The following COL18A1 variants were observed in gnomAD, a reference collection of about 807,000 sequenced individuals.
COL18A1 encodes collagen alpha-1(XVIII) chain.
Under a neutral mutation model 168.0 loss-of-function variants are expected in COL18A1, and 133 were observed. The ratio of observed to expected loss-of-function variants is 0.79; its 90% CI spans 0.69 to 0.91. The LOEUF is 0.91. Among genes scored for constraint, COL18A1 ranks in the 40% least tolerant of loss-of-function variants. The pLI is 0.00. For missense variants in COL18A1, 2,126 were observed against 1,925.4 expected (o/e 1.10, Z -1.95); for synonymous variants, 949 against 809.0 (o/e 1.17, Z -2.94).
At chr21:45,411,165 C>T (rs1263763670) in intron 2 of COL18A1, among the ~76,000 whole-genome samples, 1 of 152,180 alleles carries the variant, frequency 6.6e-6, no homozygotes, top group South Asian at 2.1e-4. Context: ...GAAGTCCCAG[C>T]CCTGCAGCTG....
chr21:45,479,063 CAG>C (rs1311189716), intron 9 of COL18A1, among the ~76,000 whole-genome samples: 1 of 144,354 alleles, frequency 6.9e-6, no homozygotes, highest in Non-Finnish European at 1.5e-5. Flanking sequence ...CCCACTGCAA[CAG>C]GGTACACGCA....
chr21:45,437,143 C>G lies in COL18A1; in HGVS notation c.107-31099C>G, dbSNP rs1248541473. 2.1e-5 allele frequency among the ~76,000 whole-genome samples: 2 copies of G among 96,872 alleles called. 1 individual carries two copies. Among genetic ancestry groups the G allele is most frequent in the Admixed American group, 1.9e-4 (2 of 10,484 alleles). The allele number at this position is 96,872 out of a possible 152,430, so 63.6% of individuals were successfully genotyped here. A position where few individuals can be genotyped will look rare whatever the true frequency, so the allele number is the denominator to read the frequency against. Reference sequence around the variant, plus strand: ...CACAGACACACAGGCACTCTCCACACACACTCACACTCAGACACAGGCACT... The same window carrying G: ...CACAGACACACAGGCACTCTCCACAGACACTCACACTCAGACACAGGCACT... On this transcript the variant is annotated intron_variant, in intron 2 of 41. Coordinates refer to ENST00000651438, the MANE Select transcript of COL18A1 (RefSeq NM_001379500.1).
chr21:45,451,657 A>G (rs1326728849), intron 2 of COL18A1, among the ~76,000 whole-genome samples: 1 of 152,232 alleles, frequency 6.6e-6, no homozygotes, highest in Non-Finnish European at 1.5e-5. Context: ...AGGAGCGCTC[A>G]GAGGGGAAGG....
intron 2 of COL18A1, among the ~76,000 whole-genome samples, chr21:45,412,057 G>A (rs1372328068): frequency 6.6e-6 from 1 of 152,136 alleles, no homozygotes; most frequent in Non-Finnish European, 1.5e-5. Flanking sequence ...GGGCCGTCGT[G>A]CTTCTCTGGG....
In COL18A1 at chr21:45,492,705, G is replaced by C; in HGVS notation, c.2206G>C (p.Gly736Arg). ...TCCCCAGGGCCGGCCGGGTTTCGCA[G>C]GCTTTCCCGTGAGTAACCTGGTGCC... ...PGPEGRPGFA[G>R]FPGPAGPKGN... The change falls in exon 24 of 42, where the codon GGC (glycine) becomes CGC (arginine). Residue 736 changes from glycine (G) to arginine (R), a missense_variant. By Grantham distance (125) the Gly-to-Arg change is moderately radical (BLOSUM62 -2). Transcript: ENST00000651438. 1 of 1,609,458 alleles carries C rather than the reference G, an allele frequency of 6.2e-7. No homozygotes were observed. The highest frequency in any genetic ancestry group is 8.5e-7 in the Non-Finnish European group (1 of 1,179,032).
intron 19 of COL18A1, 99 bp downstream of exon 19, chr21:45,489,620 C>A (rs879696804): frequency 9.3e-5 from 67 of 720,046 alleles, no homozygotes; most frequent in Non-Finnish European, 1.4e-4. Flanking sequence ...CTTCCCCGCT[C>A]TTCCTGCCAC....
intron 4 of COL18A1, among the ~76,000 whole-genome samples, chr21:45,474,485 G>A (rs1189843510): frequency 6.6e-6 from 1 of 151,514 alleles, no homozygotes; most frequent in South Asian, 2.1e-4. Context: ...GTCTCTGTGT[G>A]TGTGGTGTGT....
intron 37 of COL18A1, chr21:45,506,968 G>GAT: frequency 3.7e-6 from 1 of 270,706 alleles, no homozygotes; most frequent in South Asian, 3.6e-5. Context: ...TGCCAGGTGT[G>GAT]CTTGTAGGCA....
chr21:45,491,394 A>AC (rs2036340622), intron 22 of COL18A1, 80 bp downstream of exon 22: 1 of 564,514 alleles, frequency 1.8e-6, no homozygotes, highest in Admixed American at 2.7e-5. Flanking sequence ...AGCCCCCCCC[A>AC]CACCCCCACA....
chr21:45,503,671 G>T (rs1019597159), intron 32 of COL18A1, among the ~76,000 whole-genome samples: 1 of 150,400 alleles, frequency 6.6e-6, no homozygotes, highest in Admixed American at 6.6e-5. Context: ...AGCATTGGGA[G>T]ATATACCTAA....
chr21:45,479,443 A>C (rs748772417), intron 9 of COL18A1, among the ~76,000 whole-genome samples: 37 of 152,192 alleles, frequency 2.4e-4, no homozygotes, highest in Middle Eastern at 6.8e-3. Flanking sequence ...CACACACACC[A>C]CACATTACAC....
chr21:45,483,081 G>A (rs2035956039), intron 15 of COL18A1, among the ~76,000 whole-genome samples: 1 of 152,266 alleles, frequency 6.6e-6, no homozygotes. Flanking sequence ...TGAACTGAGA[G>A]TAGACGCGCC....
At chr21:45,412,321 C>T (rs1296101870) in intron 2 of COL18A1, among the ~76,000 whole-genome samples, 1 of 151,126 alleles carries the variant, frequency 6.6e-6, no homozygotes, top group African/African-American at 2.4e-5. Context: ...CCTGCAACCT[C>T]CATCTTCCGG....
In COL18A1 at chr21:45,480,767, GCTT is replaced by G. The variant is rs2035863937; in HGVS notation, c.1521_1523del (p.Phe508del). The G allele has an allele frequency of 6.2e-7, 1 of 1,611,084 alleles. No individual in the cohort carries two copies. The highest frequency in any genetic ancestry group is 1.1e-5 in the South Asian group (1 of 91,070). ...CCAGGCCTGCCCGGCGAGCCAGGCC[GCTT>G]TGGGGTGAACAGCTCCGACGTCCCA... On this transcript the variant is annotated inframe_deletion, in exon 13 of 42. Transcript: ENST00000651438.
At position 45,511,345 on chromosome 21, in the gene COL18A1, C is replaced by A. The variant is rs533463430; in HGVS notation, c.3809+119C>A. On this transcript the variant is annotated intron_variant, in intron 41 of 41. Transcript: ENST00000651438. ...GGACAAATCTTATACATGCTCATTA[C>A]TTTAAAATTACAAAATCCAAAAGAG... is the stretch of plus-strand genomic sequence containing the variant. 4 of 692,514 alleles carry A rather than the reference C, an allele frequency of 5.8e-6. No individual in the cohort carries two copies. The South Asian group carries it at 6.0e-5, about 10-fold the overall frequency. 42.9% of individuals were successfully genotyped at this position (692,514 alleles called of 1,614,324 possible).
At chr21:45,500,387 GGAGT>G (rs1403103914) in intron 32 of COL18A1, among the ~76,000 whole-genome samples, 1 of 138,740 alleles carries the variant, frequency 7.2e-6, no homozygotes, top group East Asian at 2.2e-4. Flanking sequence ...GGGGGTGTGT[GGAGT>G]GTGTGTATGT....
chr21:45,474,888 G>A (rs570216615), intron 4 of COL18A1, among the ~76,000 whole-genome samples: 1 of 152,304 alleles, frequency 6.6e-6, no homozygotes, highest in South Asian at 2.1e-4. Flanking sequence ...TTTTTGCCTG[G>A]AACATGCCAG....
At chr21:45,480,048 T>C (rs770345581) in intron 10 of COL18A1, 22 bp from the exon 11 acceptor site, 3 of 1,611,154 alleles carry the variant, frequency 1.9e-6, no homozygotes, top group African/African-American at 2.7e-5. Flanking sequence ...CAGGGTATGA[T>C]AGGCTTGTCT....
intron 37 of COL18A1, 72 bp downstream of exon 37, chr21:45,506,038 G>A (rs1392673828): frequency 2.4e-5 from 38 of 1,608,294 alleles, no homozygotes; most frequent in South Asian, 2.0e-4. Context: ...TAAGGAAGGC[G>A]AGAGGCTCAG....
Sources: gnomAD v4.1 joint callset for allele counts (sites outside exome capture counted in the v4.1 genomes callset) on GRCh38, gnomAD v4.1.1 for gene constraint, MANE v1.5 for transcripts, NCBI Gene and HGNC (gene_info 2026-07-23, HGNC 2026-07-21) for gene names.